TBC1D14: variants seen among roughly 807,000 people sequenced by gnomAD.
TBC1D14 encodes the protein TBC1 domain family member 14.
In TBC1D14, 26 loss-of-function variants were observed where a neutral mutation model predicts 79.0. That is an observed-to-expected ratio of 0.33 (90% CI 0.24 to 0.46). The LOEUF (loss-of-function observed/expected upper bound fraction) is 0.46, where lower values mean the gene tolerates loss of function less well. Ranked by LOEUF, TBC1D14 falls within the 20% of genes least tolerant of loss-of-function variation. The pLI is 1.00. For synonymous variants in TBC1D14, 394 were observed against 349.9 expected (o/e 1.13, Z -1.40); for missense variants, 769 against 887.6 (o/e 0.87, Z 1.70).
At chr4:6,912,404 AT>A (rs1723073248) in intron 1 of TBC1D14, among the ~76,000 whole-genome samples, 3 of 151,736 alleles carry the variant, frequency 2.0e-5, no homozygotes, top group African/African-American at 7.3e-5. Flanking sequence ...AATAAAAAAA[AT>A]AAAAAAATAA....
At chr4:6,982,401 G>A (rs898778524) in intron 3 of TBC1D14, among the ~76,000 whole-genome samples, 3 of 152,218 alleles carry the variant, frequency 2.0e-5, no homozygotes, top group African/African-American at 7.2e-5. Context: ...AGACAAAGTT[G>A]TAGTGATGGA....
intron 3 of TBC1D14, chr4:6,987,209 G>A (rs1717934629): frequency 1.6e-6 from 2 of 1,232,402 alleles, no homozygotes; most frequent in Non-Finnish European, 1.0e-6. Flanking sequence ...GCGGCCTGCC[G>A]CCCCGCCCCG....
At chr4:6,984,972 A>G (rs1717691658) in intron 3 of TBC1D14, among the ~76,000 whole-genome samples, 1 of 152,224 alleles carries the variant, frequency 6.6e-6, no homozygotes, top group African/African-American at 2.4e-5. Flanking sequence ...CTTCCCAGAA[A>G]GACCGAGAGA....
At chr4:7,000,412 A>G (rs977025576) in intron 6 of TBC1D14, among the ~76,000 whole-genome samples, 7 of 152,072 alleles carry the variant, frequency 4.6e-5, no homozygotes, top group Non-Finnish European at 7.4e-5. Context: ...TTTCGAGAGG[A>G]TGGTATAGGT....
At chr4:6,913,041 T>G (rs1011327907) in intron 1 of TBC1D14, among the ~76,000 whole-genome samples, 2 of 152,250 alleles carry the variant, frequency 1.3e-5, no homozygotes, top group African/African-American at 4.8e-5. Context: ...TTGCCCAGGC[T>G]GGAGTGCAAT....
At chr4:6,940,610 C>CG (rs950605704) in intron 2 of TBC1D14, among the ~76,000 whole-genome samples, 5 of 151,588 alleles carry the variant, frequency 3.3e-5, no homozygotes, top group South Asian at 2.1e-4. Context: ...TGGGAGATGA[C>CG]GGGGGTGGGG....
intron 2 of TBC1D14, among the ~76,000 whole-genome samples, chr4:6,965,155 A>G (rs760952297): frequency 1.3e-5 from 1 of 74,088 alleles, no homozygotes; most frequent in African/African-American, 4.6e-5. Context: ...AATTGTCCCA[A>G]TAATCTTTTT....
In TBC1D14 at chr4:6,994,316, G is replaced by T. The variant is rs1176089137; in HGVS notation, c.962+14G>T. On this transcript the variant is annotated intron_variant, in intron 4 of 13. Coordinates refer to ENST00000409757, the MANE Select transcript of TBC1D14 (RefSeq NM_020773.3). ...GGACAGACCAGCGTGAGTTTAAGAAGACTCTCTTTAGAGTGTTTGCTTTAG... is the reference window on the plus strand; with the variant it reads ...GGACAGACCAGCGTGAGTTTAAGAATACTCTCTTTAGAGTGTTTGCTTTAG... The T allele has an allele frequency of 6.2e-7, 1 of 1,608,760 alleles. No individual in the cohort carries two copies. Among genetic ancestry groups the T allele is most frequent in the East Asian group, 2.2e-5 (1 of 44,864 alleles).
intron 3 of TBC1D14, among the ~76,000 whole-genome samples, chr4:6,988,613 A>C (rs1001870700): frequency 6.6e-6 from 1 of 152,174 alleles, no homozygotes; most frequent in Non-Finnish European, 1.5e-5. Context: ...GCGCTCCCAA[A>C]TCCTCAGGTT....
chr4:6,958,195 G>A (rs1464314071), intron 2 of TBC1D14, among the ~76,000 whole-genome samples: 1 of 145,064 alleles, frequency 6.9e-6, no homozygotes, highest in African/African-American at 2.5e-5. Context: ...CCAGATGACT[G>A]CTCCAGGTGG....
chr4:7,007,802 C>T (rs1720351482), intron 9 of TBC1D14, among the ~76,000 whole-genome samples: 2 of 152,224 alleles, frequency 1.3e-5, no homozygotes, highest in Non-Finnish European at 2.9e-5. Flanking sequence ...CTGCATCGCT[C>T]TCTTGGAGCT....
At position 6,925,150 on chromosome 4, in the gene TBC1D14, A is replaced by G. The variant is rs181046389; in HGVS notation, c.722+1039A>G. 3.9e-3 allele frequency among the ~76,000 whole-genome samples: 594 copies of G among 152,240 alleles called. 4 individuals carry two copies. Among genetic ancestry groups the G allele is most frequent in the African/African-American group, 0.013 (531 of 41,548 alleles). ...TCTACTAAAAATACAAAAATTAGCC[A>G]GGTATGGTGGTGCACGCCTGTATTC... On this transcript the variant is annotated intron_variant, in intron 2 of 13. Transcript: ENST00000409757.
rs984106704 is a variant in TBC1D14 at position 6,997,998 on chromosome 4, T to C, written c.1046-1087T>C. 2.0e-5 allele frequency among the ~76,000 whole-genome samples: 3 copies of C among 152,194 alleles called. No homozygotes were observed. The South Asian group carries it at 6.2e-4, about 31-fold the overall frequency. ...CCACTGAACTGTATACTTAAAATGG[T>C]AAATTTGACCACACACACAAAAAAG... On this transcript the variant is annotated intron_variant, in intron 5 of 13. Transcript: ENST00000409757.
At chr4:6,912,404 A>G (rs1232304815) in intron 1 of TBC1D14, among the ~76,000 whole-genome samples, 1 of 151,736 alleles carries the variant, frequency 6.6e-6, no homozygotes. Flanking sequence ...AATAAAAAAA[A>G]TAAAAAAATA....
intron 3 of TBC1D14, among the ~76,000 whole-genome samples, chr4:6,976,727 A>G (rs557490701): frequency 1.4e-4 from 22 of 152,218 alleles, no homozygotes; most frequent in Non-Finnish European, 2.2e-4. Context: ...GGGAGCAGAA[A>G]TTGTCAGGAT....
rs1449062701 is a variant in TBC1D14, at chr4:7,006,732, TGGTGG to T, written c.1446+7_1446+11del. 2.5e-6 allele frequency: 4 copies of T among 1,610,246 alleles called. No individual in the cohort carries two copies. The highest frequency in any genetic ancestry group is 3.4e-6 in the Non-Finnish European group (4 of 1,177,166). On this transcript the variant is annotated splice_region_variant and intron_variant, in intron 9 of 13. Transcript: ENST00000409757. ...ATCTCTGCATTTTCCAGCAAGTAAG[TGGTGG>T]TGACTTGTTGCTTTCAAGTATGTTT...
chr4:6,960,883 C>T (rs75921048), intron 2 of TBC1D14, among the ~76,000 whole-genome samples: 5,366 of 152,214 alleles, frequency 0.035, 137 homozygotes, highest in Middle Eastern at 0.051. Flanking sequence ...CGGAGGAGGC[C>T]GAGAGAGGCC....
intron 13 of TBC1D14, among the ~76,000 whole-genome samples, chr4:7,029,995 C>T (rs2108763711): frequency 1.3e-5 from 2 of 152,254 alleles, no homozygotes; most frequent in Middle Eastern, 3.4e-3. Context: ...GCGGGATGGG[C>T]ACAGGGCTTA....
chr4:7,002,054 T>C (rs1577151994), intron 7 of TBC1D14, among the ~76,000 whole-genome samples: 1 of 152,128 alleles, frequency 6.6e-6, no homozygotes, highest in Admixed American at 6.5e-5. Flanking sequence ...GTATCTTCGC[T>C]CTCTAGTTGG....
Sources: gnomAD v4.1 joint callset for allele counts (sites outside exome capture counted in the v4.1 genomes callset) on GRCh38, gnomAD v4.1.1 for gene constraint, MANE v1.5 for transcripts, NCBI Gene and HGNC (gene_info 2026-07-23, HGNC 2026-07-21) for gene names.